The following SNTG1 variants were observed in gnomAD, a reference collection of about 807,000 sequenced individuals.
The protein encoded by SNTG1 is gamma-1-syntrophin.
Under a neutral mutation model 74.7 loss-of-function variants are expected in SNTG1, and 39 were observed. The ratio of observed to expected loss-of-function variants is 0.52; its 90% CI spans 0.40 to 0.68. SNTG1 has a LOEUF of 0.68. Ranked by LOEUF, SNTG1 falls within the 30% of genes least tolerant of loss-of-function variation. The pLI, the probability that SNTG1 is intolerant of heterozygous loss-of-function variation, is 0.00. For synonymous variants in SNTG1, 254 were observed against 217.1 expected (o/e 1.17, Z -1.49); for missense variants, 685 against 609.5 (o/e 1.12, Z -1.30).
At chr8:50,389,867 C>T (rs1211985809) in intron 2 of SNTG1, among the ~76,000 whole-genome samples, 1 of 152,176 alleles carries the variant, frequency 6.6e-6, no homozygotes, top group African/African-American at 2.4e-5. Flanking sequence ...TGCCTTTTGG[C>T]TGCATAAATG....
rs1563371342 is a variant in SNTG1 at position 49,938,651 on chromosome 8, T to TTTCTTTCCTTC, written c.-103+26420_-103+26421insTTCTTTCCTTC. On this transcript the variant is annotated intron_variant, in intron 1 of 18. Transcript: ENST00000642720. ...TCTTTCTTTCTTTCTTTCCTTCCTCTCTCTCTCTCTTCCTTCCTTCCTTCC... is the reference window on the plus strand; with the variant it reads ...TCTTTCTTTCTTTCTTTCCTTCCTCTTTCTTTCCTTCCTCTCTCTCTTCCTTCCTTCCTTCC... 3.2e-3 allele frequency among the ~76,000 whole-genome samples: 170 copies of TTTCTTTCCTTC among 52,534 alleles called. 3 individuals carry two copies. The highest frequency in any genetic ancestry group is 8.8e-3 in the African/African-American group (168 of 19,138). The allele number at this position is 52,534 out of a possible 152,430, so 34.5% of individuals were successfully genotyped here. A position where few individuals can be genotyped will look rare whatever the true frequency, so the allele number is the denominator to read the frequency against.
chr8:50,287,836 A>G (rs907490639), intron 2 of SNTG1, among the ~76,000 whole-genome samples: 3 of 152,136 alleles, frequency 2.0e-5, no homozygotes, highest in Non-Finnish European at 4.4e-5. Flanking sequence ...TTTTAAAAAA[A>G]TACTTTATAC....
chr8:50,673,099 G>C (rs2095292867), intron 15 of SNTG1, among the ~76,000 whole-genome samples: 1 of 152,216 alleles, frequency 6.6e-6, no homozygotes, highest in African/African-American at 2.4e-5. Context: ...ATAGTTTGAA[G>C]TCAGGCAGCC....
intron 3 of SNTG1, among the ~76,000 whole-genome samples, chr8:50,396,500 T>C (rs1238115990): frequency 6.6e-6 from 1 of 152,170 alleles, no homozygotes; most frequent in Non-Finnish European, 1.5e-5. Context: ...AAGATGCAGT[T>C]TGAAGCACTT....
chr8:50,176,980 G>A (rs1165103443), intron 2 of SNTG1, among the ~76,000 whole-genome samples: 1 of 152,134 alleles, frequency 6.6e-6, no homozygotes, highest in African/African-American at 2.4e-5. Flanking sequence ...GAGAAGGTGG[G>A]ACTGTGCCGT....
At chr8:50,137,637 A>C (rs2131442915) in intron 1 of SNTG1, among the ~76,000 whole-genome samples, 1 of 152,270 alleles carries the variant, frequency 6.6e-6, no homozygotes, top group Non-Finnish European at 1.5e-5. Flanking sequence ...TTTCACCTAG[A>C]GTGGATGGGG....
chr8:50,449,830 C>A (rs2093439332), intron 6 of SNTG1, 105 bp downstream of exon 6: 1 of 984,012 alleles, frequency 1.0e-6, no homozygotes, highest in Admixed American at 3.0e-5. Flanking sequence ...TTGACTGGCT[C>A]CAGCTTCCCC....
rs115356787 is a variant in SNTG1, at chr8:50,409,621, C to T, written c.162+7277C>T. Among the ~76,000 whole-genome samples, 644 of 152,238 alleles carry T rather than the reference C, an allele frequency of 4.2e-3. 6 individuals are homozygous for T. Among genetic ancestry groups the T allele is most frequent in the African/African-American group, 0.011 (475 of 41,556 alleles). On this transcript the variant is annotated intron_variant, in intron 4 of 18. Transcript: ENST00000642720. ...ATCTTCCCCTGGTGCTCCAGGGGAG[C>T]TGAAATCCAACATTCAGTTCCTGTC...
chr8:50,355,952 G>T (rs1429814941), intron 2 of SNTG1, among the ~76,000 whole-genome samples: 2 of 152,170 alleles, frequency 1.3e-5, no homozygotes, highest in African/African-American at 2.4e-5. Flanking sequence ...GTGGCAGGGA[G>T]TTCGTTCACA....
intron 4 of SNTG1, among the ~76,000 whole-genome samples, chr8:50,406,541 T>C (rs1201526047): frequency 6.6e-6 from 1 of 152,156 alleles, no homozygotes; most frequent in Non-Finnish European, 1.5e-5. Flanking sequence ...TCTCCTGCCT[T>C]ATTACTCTCG....
intron 2 of SNTG1, among the ~76,000 whole-genome samples, chr8:50,281,847 A>G (rs2088477179): frequency 6.6e-6 from 1 of 152,190 alleles, no homozygotes; most frequent in Non-Finnish European, 1.5e-5. Context: ...AGGATCTGTT[A>G]AAGTCCACTT....
chr8:50,620,166 C>T (rs1349605674), intron 13 of SNTG1, among the ~76,000 whole-genome samples: 2 of 152,066 alleles, frequency 1.3e-5, no homozygotes, highest in African/African-American at 2.4e-5. Flanking sequence ...TCTGAGGTCC[C>T]GATTTCCTTT....
chr8:50,779,135 G>A lies in SNTG1; in HGVS notation c.1396-13536G>A, dbSNP rs887980099. ...GTAGTATAGTTTGAAGTCAGGTAGTGTGATGCCTCCAGCTCTGTTCTTTTG... is the reference window on the plus strand; with the variant it reads ...GTAGTATAGTTTGAAGTCAGGTAGTATGATGCCTCCAGCTCTGTTCTTTTG... On this transcript the variant is annotated intron_variant, in intron 18 of 18. Transcript: ENST00000642720. Among the ~76,000 whole-genome samples, 49 of 152,254 alleles carry A rather than the reference G, an allele frequency of 3.2e-4. 1 individual carries two copies. Among genetic ancestry groups the A allele is most frequent in the African/African-American group, 1.1e-3 (47 of 41,532 alleles).
At chr8:50,606,864 G>A (rs1196101591) in intron 13 of SNTG1, among the ~76,000 whole-genome samples, 1 of 151,386 alleles carries the variant, frequency 6.6e-6, no homozygotes, top group Non-Finnish European at 1.5e-5. Flanking sequence ...CTATCAATAT[G>A]CTATGTTCTA....
intron 13 of SNTG1, among the ~76,000 whole-genome samples, chr8:50,627,460 A>G (rs1003329262): frequency 6.6e-6 from 1 of 152,162 alleles, no homozygotes; most frequent in Non-Finnish European, 1.5e-5. Context: ...GGAAGCAGAC[A>G]AAGTGGGCCC....
Position 49,993,670 on chromosome 8 carries a change from T to C in SNTG1, c.-103+81439T>C, listed in dbSNP as rs1456861008. Among the ~76,000 whole-genome samples the C allele has an allele frequency of 2.0e-5, 3 of 152,208 alleles. No individual in the cohort carries two copies. The East Asian group carries it at 5.8e-4, about 29-fold the overall frequency. On this transcript the variant is annotated intron_variant, in intron 1 of 18. Coordinates refer to ENST00000642720, the MANE Select transcript of SNTG1 (RefSeq NM_018967.5). ...AGAACATATAGTGTTTGGTTTTCTG[T>C]TCCTGTGTTAGTATGCCAAGAATGA...
chr8:50,092,392 G>A (rs548803496), intron 1 of SNTG1, among the ~76,000 whole-genome samples: 21 of 152,144 alleles, frequency 1.4e-4, no homozygotes, highest in Admixed American at 3.9e-4. Flanking sequence ...CCGTGTTTCC[G>A]TACTCTGAAG....
chr8:49,918,630 G>A (rs543982455), intron 1 of SNTG1, among the ~76,000 whole-genome samples: 17 of 149,704 alleles, frequency 1.1e-4, no homozygotes, highest in Admixed American at 7.3e-4. Flanking sequence ...TTGTATGTTC[G>A]GTGATGTAAG....
intron 2 of SNTG1, among the ~76,000 whole-genome samples, chr8:50,386,443 G>A (rs970394340): frequency 1.0e-5 from 1 of 96,546 alleles, no homozygotes; most frequent in African/African-American, 3.8e-5. Flanking sequence ...GGGAGGCTGG[G>A]AGCAAGATTA....
Sources: allele counts gnomAD v4.1 joint callset (sites outside exome capture counted in the v4.1 genomes callset), GRCh38; gene constraint gnomAD v4.1.1; transcripts MANE v1.5; gene names NCBI Gene and HGNC (gene_info 2026-07-23, HGNC 2026-07-21).